The following NID2 variants were observed in gnomAD, a reference collection of about 807,000 sequenced individuals.
The protein encoded by NID2 is nidogen 2, also known as nidogen-2.
A neutral mutation model predicts 145.4 loss-of-function variants in NID2; 83 were observed. That is an observed-to-expected ratio of 0.57 (90% CI 0.48 to 0.69). The LOEUF is 0.69. Among genes scored for constraint, NID2 ranks in the 30% least tolerant of loss-of-function variants. The pLI is 0.00. For synonymous variants in NID2, 739 were observed against 701.3 expected (o/e 1.05, Z -0.85); for missense variants, 1,807 against 1,765.7 (o/e 1.02, Z -0.42).
chr14:52,011,964 T>C, intron 16 of NID2: 1 of 328,602 alleles, frequency 3.0e-6, no homozygotes, highest in Non-Finnish European at 5.7e-6. Context: ...AAATTAATAC[T>C]ATAAGTGCTT....
At chr14:52,022,269 G>A (rs1891428524) in intron 12 of NID2, among the ~76,000 whole-genome samples, 1 of 151,796 alleles carries the variant, frequency 6.6e-6, no homozygotes, top group African/African-American at 2.4e-5. Flanking sequence ...AAAGTTCTGG[G>A]TAGACAGAAA....
chr14:52,048,126 T>C (rs1595044954), intron 5 of NID2, among the ~76,000 whole-genome samples: 1 of 152,192 alleles, frequency 6.6e-6, no homozygotes, highest in South Asian at 2.1e-4. Flanking sequence ...ATCTGACCAA[T>C]TGGCAGCTCC....
At chr14:52,061,761 C>G (rs1315406273) in intron 2 of NID2, among the ~76,000 whole-genome samples, 1 of 152,178 alleles carries the variant, frequency 6.6e-6, no homozygotes, top group African/African-American at 2.4e-5. Context: ...AGATTTTTGC[C>G]TTTACCTTCA....
intron 11 of NID2, among the ~76,000 whole-genome samples, chr14:52,027,649 C>CACAT (rs1555363354): frequency 6.6e-6 from 1 of 151,244 alleles, no homozygotes; most frequent in African/African-American, 2.4e-5. Flanking sequence ...CACACACACA[C>CACAT]ACACACACAC....
At chr14:52,056,977 C>T (rs542001701) in intron 3 of NID2, among the ~76,000 whole-genome samples, 104 of 152,102 alleles carry the variant, frequency 6.8e-4, no homozygotes, top group Non-Finnish European at 1.1e-3. Flanking sequence ...GACCTTTGAG[C>T]TCACAGTTGT....
chr14:52,068,183 A>G lies in NID2; in HGVS notation c.229-20T>C. The G allele has an allele frequency of 6.2e-7, 1 of 1,609,214 alleles. No homozygotes were observed. Among genetic ancestry groups the G allele is most frequent in the Non-Finnish European group, 8.5e-7 (1 of 1,177,286 alleles). Reference sequence around the variant, plus strand: ...GCCCACCTGGGAGAGGAGAGGGACAAAAAGGTGACAGTCGCTCAAGCCCAA... The same window carrying G: ...GCCCACCTGGGAGAGGAGAGGGACAGAAAGGTGACAGTCGCTCAAGCCCAA... On this transcript the variant is annotated intron_variant, in intron 1 of 21. Transcript: ENST00000216286.
At chr14:52,050,857 T>C (rs1443704713) in intron 5 of NID2, among the ~76,000 whole-genome samples, 3 of 152,212 alleles carry the variant, frequency 2.0e-5, no homozygotes. Flanking sequence ...TTCTGAGGAC[T>C]AACTGTGATA....
At chr14:52,037,569 T>C (rs757963037) in intron 9 of NID2, among the ~76,000 whole-genome samples, 13 of 152,232 alleles carry the variant, frequency 8.5e-5, no homozygotes, top group Non-Finnish European at 1.3e-4. Context: ...TTACTCTAGA[T>C]TTCGAGTTTG....
At chr14:52,015,786 T>C (rs1373229259) in intron 14 of NID2, among the ~76,000 whole-genome samples, 3 of 152,230 alleles carry the variant, frequency 2.0e-5, no homozygotes, top group African/African-American at 7.2e-5. Context: ...ATCTTGCGAC[T>C]GGCCAGTGTG....
At position 52,068,914 on chromosome 14, in the gene NID2, C is replaced by G. The variant is rs373566560; in HGVS notation, c.81G>C (p.Arg27=). The change falls in exon 1 of 22, where the codon CGG becomes CGC. Residue 27 remains arginine, a synonymous_variant. Coordinates refer to ENST00000216286, the MANE Select transcript of NID2 (RefSeq NM_007361.4). ...VLLLLPLLML[R]AAALHPDELF... Reference sequence around the variant, plus strand: ...GCTCGTCTGGGTGCAGCGCCGCGGCCCGCAACATTAGCAACGGCAGCAGCA... The same window carrying G: ...GCTCGTCTGGGTGCAGCGCCGCGGCGCGCAACATTAGCAACGGCAGCAGCA... 1.5e-5 allele frequency: 24 copies of G among 1,613,934 alleles called. No homozygotes were observed. The highest frequency in any genetic ancestry group is 3.3e-5 in the Admixed American group (2 of 60,004).
At chr14:52,053,487 T>C in intron 5 of NID2, 92 bp downstream of exon 5, 1 of 1,373,618 alleles carries the variant, frequency 7.3e-7, no homozygotes, top group East Asian at 2.3e-5. Context: ...GCTAAACTTT[T>C]CACCTACCCA....
At chr14:52,053,048 C>T (rs1447598490) in intron 5 of NID2, among the ~76,000 whole-genome samples, 5 of 152,182 alleles carry the variant, frequency 3.3e-5, no homozygotes, top group African/African-American at 1.2e-4. Context: ...ACAACAGACA[C>T]AGGTGTTTAG....
At chr14:52,021,991 A>G (rs1041467267) in intron 12 of NID2, among the ~76,000 whole-genome samples, 1 of 152,218 alleles carries the variant, frequency 6.6e-6, no homozygotes, top group Non-Finnish European at 1.5e-5. Flanking sequence ...AATTAAAGCT[A>G]TTCACAATAC....
intron 1 of NID2, among the ~76,000 whole-genome samples, chr14:52,068,428 C>G (rs1284961287): frequency 5.9e-5 from 9 of 152,340 alleles, no homozygotes; most frequent in East Asian, 1.9e-4. Context: ...GGAGAGGAAG[C>G]CTCCAGGTCT....
intron 16 of NID2, among the ~76,000 whole-genome samples, chr14:52,012,761 A>C (rs965235881): frequency 1.3e-5 from 2 of 152,230 alleles, no homozygotes; most frequent in Non-Finnish European, 2.9e-5. Context: ...ATTTTTCCTC[A>C]ACTCCATGCA....
At chr14:52,024,957 T>C (rs1497076) in intron 12 of NID2, among the ~76,000 whole-genome samples, 148,607 of 152,270 alleles carry the variant, frequency 0.98, 72,593 homozygotes, top group Non-Finnish European at 1. Flanking sequence ...ATTAATATTC[T>C]GATTAACACT....
intron 3 of NID2, among the ~76,000 whole-genome samples, chr14:52,058,952 G>A (rs1394311864): frequency 6.6e-6 from 1 of 151,872 alleles, no homozygotes; most frequent in Non-Finnish European, 1.5e-5. Flanking sequence ...CCTAGATGGA[G>A]CCCTAAAGAT....
rs2273432 is a variant in NID2 at position 52,038,799 on chromosome 14, G to A, written c.2205C>T (p.Asp735=). The change falls in exon 9 of 22, where the codon GAC becomes GAT. Residue 735 remains aspartate, a synonymous_variant. Coordinates refer to ENST00000216286, the MANE Select transcript of NID2 (RefSeq NM_007361.4). The stretch of plus-strand genomic sequence containing the variant: ...CAGCAAATCTAAGCACTCTTTCTTC[G>A]TCATTATACAAGGCAAAGACCCGGT... The part of the protein sequence containing the change: ...NVDRVFALYN[D]EERVLRFAVT... The A allele has an allele frequency of 0.028, 45,656 of 1,610,378 alleles. 3,587 individuals are homozygous for A. The highest frequency in any genetic ancestry group is 0.25 in the East Asian group (10,981 of 44,742).
At chr14:52,053,494 C>T in intron 5 of NID2, 85 bp downstream of exon 5, 2 of 1,415,504 alleles carry the variant, frequency 1.4e-6, no homozygotes, top group Non-Finnish European at 1.9e-6. Flanking sequence ...TTTTCACCTA[C>T]CCACTTAAGA....
Sources: gnomAD v4.1 joint callset for allele counts (sites outside exome capture counted in the v4.1 genomes callset) on GRCh38, gnomAD v4.1.1 for gene constraint, MANE v1.5 for transcripts, NCBI Gene and HGNC (gene_info 2026-07-23, HGNC 2026-07-21) for gene names.